SEMA6A: variants seen among roughly 807,000 people sequenced by gnomAD.
SEMA6A encodes the protein semaphorin 6A.
A neutral mutation model predicts 96.8 loss-of-function variants in SEMA6A; 25 were observed. That is an observed-to-expected ratio of 0.26 (90% CI 0.19 to 0.36). The LOEUF (loss-of-function observed/expected upper bound fraction) is 0.36. Among genes scored for constraint, SEMA6A ranks in the 10% least tolerant of loss-of-function variants. The pLI, the probability that SEMA6A is intolerant of heterozygous loss-of-function variation, is 1.00. For missense variants in SEMA6A, 1,363 were observed against 1,323.1 expected, an observed-to-expected ratio of 1.03 and a Z score of -0.47; for synonymous variants, 612 against 518.0, an observed-to-expected ratio of 1.18 and a Z score of -2.46.
At chr5:116,467,322 G>A (rs938219029) in intron 18 of SEMA6A, among the ~76,000 whole-genome samples, 3 of 152,092 alleles carry the variant, frequency 2.0e-5, no homozygotes, top group African/African-American at 4.8e-5. Context: ...CATCTGCTTC[G>A]GGCCAAGCCA....
Position 116,502,302 on chromosome 5 carries a change from C to T in SEMA6A, c.126G>A (p.Val42=). 6.2e-7 allele frequency: 1 copy of T among 1,613,874 alleles called. No homozygotes were observed. Among genetic ancestry groups the T allele is most frequent in the South Asian group, 1.1e-5 (1 of 91,076 alleles). The change falls in exon 3 of 19, where the codon GTG becomes GTA. Residue 42 remains valine, a synonymous_variant. Transcript: ENST00000343348. ...GNYTKQYPVF[V]GHKPGRNTTQ... is the part of the protein sequence containing the mutation. ...TGGTGTTCCGTCCTGGCTTGTGGCC[C>T]ACAAACACCGGATACTGTTTTGTAT...
At chr5:116,449,360 C>G (rs747987012) in intron 18 of SEMA6A, 173 of 702,252 alleles carry the variant, frequency 2.5e-4, no homozygotes, top group Non-Finnish European at 4.0e-4. Context: ...ACTAAATCAA[C>G]TCTTTCTGGA....
chr5:116,486,760 T>C lies in SEMA6A; in HGVS notation c.951A>G (p.Thr317=), dbSNP rs1757068825. Residue 317 remains threonine, a synonymous_variant, in exon 10 of 19, where the codon ACA becomes ACG. Coordinates refer to ENST00000343348, the MANE Select transcript of SEMA6A (RefSeq NM_020796.5). ...TAGGGCATGATTACCTGTTATAAGG[T>C]GTAGAAAACGTTGCCAGGACAACAT... The part of the protein sequence containing the change: ...GRDVVLATFS[T]PYNSIPGSAV... 1.9e-6 allele frequency: 3 copies of C among 1,613,358 alleles called. No homozygotes were observed. The African/African-American group carries it at 4.0e-5, about 22-fold the overall frequency.
chr5:116,573,029 C>T (rs941626983), intron 1 of SEMA6A, among the ~76,000 whole-genome samples: 1 of 152,202 alleles, frequency 6.6e-6, no homozygotes, highest in African/African-American at 2.4e-5. Flanking sequence ...TCCCCCCGTG[C>T]CGCTCGGGTC....
intron 10 of SEMA6A, 178 bp downstream of exon 10, chr5:116,486,571 A>G (rs770116978): frequency 1.7e-6 from 1 of 591,572 alleles, no homozygotes; most frequent in Non-Finnish European, 3.0e-6. Context: ...ACCTAACTTA[A>G]TAGTGCTTAT....
At chr5:116,499,988 T>C (rs1014588160) in intron 3 of SEMA6A, among the ~76,000 whole-genome samples, 2 of 152,238 alleles carry the variant, frequency 1.3e-5, no homozygotes, top group African/African-American at 4.8e-5. Flanking sequence ...CACAAGAGAT[T>C]CTTAAGTCAA....
At chr5:116,545,945 T>C (rs1045690014) in intron 1 of SEMA6A, among the ~76,000 whole-genome samples, 2 of 152,216 alleles carry the variant, frequency 1.3e-5, no homozygotes, top group Non-Finnish European at 2.9e-5. Context: ...TAAGTCCTCA[T>C]TTGCCTTTTA....
At chr5:116,492,754 C>T (rs1187185486) in intron 6 of SEMA6A, among the ~76,000 whole-genome samples, 1 of 152,162 alleles carries the variant, frequency 6.6e-6, no homozygotes, top group Admixed American at 6.5e-5. Context: ...AAATTTGTCA[C>T]TCTCTTGCTT....
intron 1 of SEMA6A, among the ~76,000 whole-genome samples, chr5:116,517,066 A>G (rs1042856982): frequency 2.0e-5 from 3 of 152,208 alleles, no homozygotes; most frequent in Non-Finnish European, 4.4e-5. Flanking sequence ...TCTTATCTGC[A>G]ATTACAAACA....
chr5:116,518,241 C>A (rs889876980), intron 1 of SEMA6A, among the ~76,000 whole-genome samples: 3 of 152,174 alleles, frequency 2.0e-5, no homozygotes, highest in African/African-American at 7.2e-5. Flanking sequence ...CTGTCCCTCA[C>A]CTTTCTTTCT....
chr5:116,488,153 G>A lies in SEMA6A; in HGVS notation c.699C>T (p.Tyr233=), dbSNP rs1299976478. The A allele has an allele frequency of 6.2e-7, 1 of 1,612,418 alleles. No homozygotes were observed. The highest frequency in any genetic ancestry group is 8.5e-7 in the Non-Finnish European group (1 of 1,179,132). Residue 233 remains tyrosine, a synonymous_variant, in exon 9 of 19, where the codon TAC becomes TAT. Transcript: ENST00000343348. ...VQAVDYGDYI[Y]FFFREIAVEY... Reference sequence around the variant, plus strand: ...CCACTGCTATTTCCCTGAAGAAGAAGTAGATATAATCTCCGTAATCCACGG... The same window carrying A: ...CCACTGCTATTTCCCTGAAGAAGAAATAGATATAATCTCCGTAATCCACGG...
chr5:116,487,842 C>A (rs551415722), intron 9 of SEMA6A, among the ~76,000 whole-genome samples: 2 of 152,208 alleles, frequency 1.3e-5, no homozygotes, highest in South Asian at 2.1e-4. Flanking sequence ...CCAGCCTGGG[C>A]AACTGAGTAA....
Position 116,491,777 on chromosome 5 carries a change from T to C in SEMA6A, c.498A>G (p.Pro166=). 6.2e-7 allele frequency: 1 copy of C among 1,613,868 alleles called. No homozygotes were observed. The highest frequency in any genetic ancestry group is 8.5e-7 in the Non-Finnish European group (1 of 1,179,782). ...GDEFSGMARC[P]YDAKHANVAL... ...CAACGTTGGCATGTTTGGCATCATATGGGCATCTGGCCATTCCGCTGAATT... is the reference window on the plus strand; with the variant it reads ...CAACGTTGGCATGTTTGGCATCATACGGGCATCTGGCCATTCCGCTGAATT... The change falls in exon 7 of 19, where the codon CCA becomes CCG. Residue 166 remains proline (P), a synonymous_variant. Coordinates refer to ENST00000343348, the MANE Select transcript of SEMA6A (RefSeq NM_020796.5).
Position 116,480,287 on chromosome 5 carries a change from A to G in SEMA6A, c.1095-10T>C. On this transcript the variant is annotated splice_polypyrimidine_tract_variant and intron_variant, in intron 11 of 18. Transcript: ENST00000343348. ...AGCACAGCAACCTGGCCTAAAATGA[A>G]ACAAAGGGTGAGGAAGGAGGGAGCT... The G allele has an allele frequency of 6.2e-7, 1 of 1,613,414 alleles. No homozygotes were observed. The highest frequency in any genetic ancestry group is 8.5e-7 in the Non-Finnish European group (1 of 1,179,630).
intron 17 of SEMA6A, among the ~76,000 whole-genome samples, chr5:116,470,925 T>C (rs73781092): frequency 0.025 from 3,881 of 152,326 alleles, 174 homozygotes; most frequent in African/African-American, 0.087. Context: ...ACAAATACAG[T>C]GCCCAGTACA....
chr5:116,554,350 T>C (rs549919885), intron 1 of SEMA6A, among the ~76,000 whole-genome samples: 1 of 152,292 alleles, frequency 6.6e-6, no homozygotes, highest in South Asian at 2.1e-4. Context: ...TTGTATCCTG[T>C]ACAAGTAGGA....
intron 18 of SEMA6A, 54 bp downstream of exon 18, chr5:116,467,529 C>A: frequency 6.5e-7 from 1 of 1,540,700 alleles, no homozygotes; most frequent in South Asian, 1.2e-5. Context: ...ACACAGTCCT[C>A]CCCACTTTTC....
At chr5:116,573,761 C>A (rs764890812) in intron 1 of SEMA6A, among the ~76,000 whole-genome samples, 1 of 152,136 alleles carries the variant, frequency 6.6e-6, no homozygotes, top group African/African-American at 2.4e-5. Flanking sequence ...GAGGGCAGAA[C>A]CCCTTCCCCT....
intron 16 of SEMA6A, among the ~76,000 whole-genome samples, chr5:116,474,278 G>GCACACACACACACACACACA (rs113731062): frequency 4.8e-5 from 7 of 147,300 alleles, no homozygotes; most frequent in African/African-American, 1.2e-4. Flanking sequence ...GTGCACGCAT[G>GCACACACACACACACACACA]CACACACACA....
Sources: allele counts gnomAD v4.1 joint callset (sites outside exome capture counted in the v4.1 genomes callset), GRCh38; gene constraint gnomAD v4.1.1; transcripts MANE v1.5; gene names NCBI Gene and HGNC (gene_info 2026-07-23, HGNC 2026-07-21).